CACNA1C: variants seen among roughly 807,000 people sequenced by gnomAD.
CACNA1C encodes the protein calcium voltage-gated channel subunit alpha1 C, also known as voltage-dependent L-type calcium channel subunit alpha-1C.
A neutral mutation model predicts 229.0 loss-of-function variants in CACNA1C; 30 were observed. The observed-to-expected ratio is 0.13, with a 90% confidence interval of 0.10 to 0.18. The LOEUF (loss-of-function observed/expected upper bound fraction) is 0.18, where lower values mean the gene tolerates loss of function less well. CACNA1C is among the 10% of genes least tolerant of loss of function. CACNA1C has a pLI of 1.00. For synonymous variants in CACNA1C, 1,114 were observed against 1,132.5 expected, an observed-to-expected ratio of 0.98 and a Z score of 0.33; for missense variants, 1,658 against 2,845.0, an observed-to-expected ratio of 0.58 and a Z score of 9.49.
At chr12:2,313,931 G>A (rs573542672) in intron 3 of CACNA1C, among the ~76,000 whole-genome samples, 11 of 152,286 alleles carry the variant, frequency 7.2e-5, no homozygotes, top group Non-Finnish European at 1.2e-4. Context: ...ATCACCTGCC[G>A]CATGTTTTCC....
At chr12:2,625,975 A>AT (rs1254733979) in intron 29 of CACNA1C, among the ~76,000 whole-genome samples, 1 of 152,030 alleles carries the variant, frequency 6.6e-6, no homozygotes, top group Non-Finnish European at 1.5e-5. Context: ...AAAATAAAAT[A>AT]AAAACCCTAC....
At chr12:2,232,126 C>G (rs2065365844) in intron 3 of CACNA1C, among the ~76,000 whole-genome samples, 1 of 151,406 alleles carries the variant, frequency 6.6e-6, no homozygotes, top group African/African-American at 2.4e-5. Context: ...CCACTTCAGT[C>G]CTTTTTTTCT....
At chr12:2,266,470 C>T (rs1006690) in intron 3 of CACNA1C, among the ~76,000 whole-genome samples, 7,277 of 152,338 alleles carry the variant, frequency 0.048, 215 homozygotes, top group Middle Eastern at 0.068. Context: ...TTAGATGGAA[C>T]CTGGGACTTT....
rs528272057 is a variant in CACNA1C, at chr12:2,067,580, C to CA, written c.49+13972dup. On this transcript the variant is annotated intron_variant, in intron 1 of 46. Transcript: ENST00000399655. This position sits in a 1 kb window ranked among gnomAD's most constrained non-coding sequence, Gnocchi z 5.3. ...CAGAGGGTCTTCTGGGTGCTGACAC[C>CA]AAAGCAGAGAGAGCTCGTGGTGTGC... Among the ~76,000 whole-genome samples the CA allele has an allele frequency of 9.5e-4, 144 of 151,972 alleles. No homozygotes were observed. The highest frequency in any genetic ancestry group is 1.5e-3 in the Non-Finnish European group (104 of 67,974).
chr12:2,598,846 A>G (rs2070222528), intron 21 of CACNA1C, among the ~76,000 whole-genome samples: 2 of 152,212 alleles, frequency 1.3e-5, no homozygotes, highest in Non-Finnish European at 2.9e-5. Flanking sequence ...GTTCCTGCTA[A>G]CCAAGTATGT....
At position 2,310,350 on chromosome 12, in the gene CACNA1C, A is replaced by ATAT. The variant is rs1555425823; in HGVS notation, c.478-138626_478-138625insTAT. 1.0e-3 allele frequency among the ~76,000 whole-genome samples: 130 copies of ATAT among 127,330 alleles called. 2 individuals are homozygous for ATAT. Among genetic ancestry groups the ATAT allele is most frequent in the East Asian group, 6.9e-3 (26 of 3,746 alleles). The allele number at this position is 127,330 out of a possible 152,430, so 83.5% of individuals were successfully genotyped here. Reference sequence around the variant, plus strand: ...GTCCTCTGCCTCCCAGTTAAAAAAAAAAATATATATATATATATATATGTA... The same window carrying ATAT: ...GTCCTCTGCCTCCCAGTTAAAAAAAATATAAATATATATATATATATATATGTA... On this transcript the variant is annotated intron_variant, in intron 3 of 46. Transcript: ENST00000399655.
At chr12:2,323,423 G>A (rs2096120771) in intron 3 of CACNA1C, among the ~76,000 whole-genome samples, 1 of 152,186 alleles carries the variant, frequency 6.6e-6, no homozygotes, top group African/African-American at 2.4e-5. Context: ...AGGAAGTTGG[G>A]CCTGTTTGTG....
At chr12:2,167,742 A>G (rs1212371095) in intron 3 of CACNA1C, among the ~76,000 whole-genome samples, 2 of 152,128 alleles carry the variant, frequency 1.3e-5, no homozygotes, top group Non-Finnish European at 2.9e-5. Context: ...AGCTGCCCCA[A>G]CCATTTGCTC....
chr12:2,162,213 G>C (rs1056331936), intron 3 of CACNA1C, among the ~76,000 whole-genome samples: 1 of 151,964 alleles, frequency 6.6e-6, no homozygotes, highest in Non-Finnish European at 1.5e-5. Flanking sequence ...TGGCAAAGAG[G>C]TTGTCCCTTT....
chr12:2,079,958 A>T (rs1352669759), intron 1 of CACNA1C, among the ~76,000 whole-genome samples: 2 of 152,200 alleles, frequency 1.3e-5, no homozygotes, highest in African/African-American at 4.8e-5. Context: ...ATTTGAGGAG[A>T]ATATAAAATA....
Position 2,115,367 on chromosome 12 carries a change from A to G in CACNA1C, c.193A>G (p.Met65Val). ...AIDAARQAKL[M>V]GSAGNATIST... ...CGACGCAGCCCGGCAGGCTAAGCTG[A>G]TGGGCAGCGCTGGCAATGCGACCAT... Residue 65 changes from methionine (M) to valine (V), a missense_variant, in exon 2 of 47, where the codon ATG becomes GTG. Physicochemically the swap from Met to Val is conservative, Grantham distance 21. This residue lies in a region of CACNA1C where 111 missense variants were observed against 128.0 expected (regional missense o/e 0.87). Coordinates refer to ENST00000399655, the MANE Select transcript of CACNA1C (RefSeq NM_000719.7). 6.2e-7 allele frequency: 1 copy of G among 1,603,364 alleles called. No homozygotes were observed. Among genetic ancestry groups the G allele is most frequent in the African/African-American group, 1.3e-5 (1 of 74,876 alleles).
At chr12:2,180,934 G>C (rs1290249808) in intron 3 of CACNA1C, among the ~76,000 whole-genome samples, 1 of 152,114 alleles carries the variant, frequency 6.6e-6, no homozygotes, top group Non-Finnish European at 1.5e-5. Flanking sequence ...TGCAGCTTGG[G>C]ATTGTGTTAT....
At chr12:2,111,534 T>G (rs1039840284) in intron 1 of CACNA1C, among the ~76,000 whole-genome samples, 1 of 148,686 alleles carries the variant, frequency 6.7e-6, no homozygotes, top group Non-Finnish European at 1.5e-5. Flanking sequence ...GGGGGGTGAG[T>G]ACAAAGATTA....
chr12:2,413,493 A>G (rs2098831349), intron 3 of CACNA1C, among the ~76,000 whole-genome samples: 1 of 152,188 alleles, frequency 6.6e-6, no homozygotes, highest in Non-Finnish European at 1.5e-5. Flanking sequence ...TGAGATGGAA[A>G]TGTTAATTTA....
intron 3 of CACNA1C, among the ~76,000 whole-genome samples, chr12:2,121,082 G>C (rs1243500341): frequency 6.6e-6 from 1 of 152,156 alleles, no homozygotes; most frequent in Non-Finnish European, 1.5e-5. Context: ...CTCCATCTGG[G>C]CATGTGAGGA....
intron 9 of CACNA1C, among the ~76,000 whole-genome samples, chr12:2,534,029 C>G (rs796961992): frequency 1.3e-5 from 2 of 152,114 alleles, no homozygotes; most frequent in African/African-American, 4.8e-5. Flanking sequence ...TGGGATGCCA[C>G]GTAGGTCAAG....
At chr12:2,317,720 G>A (rs1398429653) in intron 3 of CACNA1C, among the ~76,000 whole-genome samples, 1 of 152,180 alleles carries the variant, frequency 6.6e-6, no homozygotes, top group Non-Finnish European at 1.5e-5. Context: ...TGCTGTATCT[G>A]AATCCAGATG....
chr12:2,384,899 C>A (rs1246819825), intron 3 of CACNA1C, among the ~76,000 whole-genome samples: 1 of 152,172 alleles, frequency 6.6e-6, no homozygotes, highest in Non-Finnish European at 1.5e-5. Context: ...GCGTAGTTAT[C>A]CAGAAGGTAC....
chr12:2,235,104 G>A (rs1312390873), intron 3 of CACNA1C, among the ~76,000 whole-genome samples: 1 of 152,202 alleles, frequency 6.6e-6, no homozygotes, highest in Non-Finnish European at 1.5e-5. Flanking sequence ...CATTTCCAGT[G>A]TCTCTATACG....
Sources: allele counts gnomAD v4.1 joint callset (sites outside exome capture counted in the v4.1 genomes callset), GRCh38; gene constraint gnomAD v4.1.1; regional missense constraint gnomAD v4.1.1; non-coding constraint Gnocchi (gnomAD v3.1); transcripts MANE v1.5; gene names NCBI Gene and HGNC (gene_info 2026-07-23, HGNC 2026-07-21).